The following IL3RA variants were observed in gnomAD, a reference collection of about 807,000 sequenced individuals.
The protein encoded by IL3RA is interleukin 3 receptor subunit alpha, also known as interleukin-3 receptor subunit alpha.
IL3RA carries 73 observed loss-of-function variants against 52.3 expected under a neutral mutation model. The ratio of observed to expected loss-of-function variants is 1.40; its 90% CI spans 1.16 to 1.70. IL3RA has a LOEUF of 1.70. Ranked by LOEUF, IL3RA falls within the 40% of genes most tolerant of loss-of-function variation. IL3RA has a pLI of 0.00. For missense variants in IL3RA, 664 were observed against 504.4 expected (o/e 1.32, Z -3.03); for synonymous variants, 260 against 194.0 (o/e 1.34, Z -2.83).
At chrX:1,346,795 G>A (rs1174407241) in intron 3 of IL3RA, among the ~76,000 whole-genome samples, 1 of 151,298 alleles carries the variant, frequency 6.6e-6, no homozygotes, top group African/African-American at 2.5e-5. Flanking sequence ...AGTGTCTTAT[G>A]GGAAAGGAGC....
chrX:1,356,155 A>G (rs2086686102), intron 6 of IL3RA, 66 bp from the exon 7 acceptor site: 1 of 1,055,932 alleles, frequency 9.5e-7, no homozygotes, highest in African/African-American at 1.6e-5. Context: ...AGAAAAAAAA[A>G]GAGAAAAAGA....
Position 1,352,206 on chromosome X carries a change from G to A in IL3RA, c.405G>A (p.Gln135=). 2 of 1,613,776 alleles carry A rather than the reference G, an allele frequency of 1.2e-6. No homozygotes were observed. The highest frequency in any genetic ancestry group is 1.7e-6 in the Non-Finnish European group (2 of 1,179,832). Residue 135 remains glutamine, a synonymous_variant, in exon 5 of 12, where the codon CAG becomes CAA. Transcript: ENST00000331035. ...AVGPGAPADV[Q]YDLYLNVANR... ...GCCCGGGGGCCCCCGCGGACGTCCA[G>A]TACGACCTGTACTTGAACGTTGCCA... is the stretch of plus-strand genomic sequence containing the variant.
chrX:1,346,345 A>G (rs2085741123), intron 3 of IL3RA, among the ~76,000 whole-genome samples: 4 of 152,102 alleles, frequency 2.6e-5, no homozygotes, highest in Admixed American at 2.6e-4. Flanking sequence ...AGGCTGAGGC[A>G]GGAGAATCGC....
At chrX:1,355,536 C>T (rs1227776672) in intron 6 of IL3RA, among the ~76,000 whole-genome samples, 11 of 148,182 alleles carry the variant, frequency 7.4e-5, no homozygotes, top group East Asian at 4.0e-4. Context: ...GCCAGGCAGC[C>T]GGACACACAG....
intron 8 of IL3RA, among the ~76,000 whole-genome samples, chrX:1,360,830 T>G (rs1238093894): frequency 6.6e-6 from 1 of 151,144 alleles, no homozygotes; most frequent in Non-Finnish European, 1.5e-5. Context: ...GCCCGGCCCC[T>G]CTCTTTATCT....
intron 8 of IL3RA, among the ~76,000 whole-genome samples, chrX:1,364,016 A>G (rs1205058365): frequency 6.7e-6 from 1 of 149,716 alleles, no homozygotes; most frequent in African/African-American, 2.5e-5. Flanking sequence ...CCCTGTCTCT[A>G]CTAAAAAAAA....
chrX:1,365,246 C>A lies in IL3RA; in HGVS notation c.868C>A (p.Arg290Ser), dbSNP rs1289152868. The part of the protein sequence containing the change: ...EFLSAWSTPQ[R>S]FECDQEEGAN... Reference sequence around the variant, plus strand: ...CTTGAGCGCCTGGAGCACCCCCCAGCGCTTCGGTGAGTGGGCTGTGCGGGG... The same window carrying A: ...CTTGAGCGCCTGGAGCACCCCCCAGAGCTTCGGTGAGTGGGCTGTGCGGGG... Residue 290 changes from arginine (R) to serine (S), a missense_variant, in exon 9 of 12, where the codon CGC (arginine) becomes AGC (serine). Arg to Ser is a moderately radical substitution (Grantham distance 110). Coordinates refer to ENST00000331035, the MANE Select transcript of IL3RA (RefSeq NM_002183.4). 2 of 1,586,596 alleles carry A rather than the reference C, an allele frequency of 1.3e-6. No individual in the cohort carries two copies. Among genetic ancestry groups the A allele is most frequent in the Non-Finnish European group, 8.6e-7 (1 of 1,162,722 alleles).
At chrX:1,341,613 A>G (rs2085500543) in intron 1 of IL3RA, 115 bp from the exon 2 acceptor site, 11 of 760,318 alleles carry the variant, frequency 1.4e-5, no homozygotes, top group Non-Finnish European at 2.4e-5. Flanking sequence ...CTTTCCCTCC[A>G]GAAGCAGCTC....
chrX:1,349,152 C>G (rs2085961258), intron 4 of IL3RA, among the ~76,000 whole-genome samples: 1 of 150,614 alleles, frequency 6.6e-6, no homozygotes, highest in Admixed American at 6.7e-5. Context: ...GAACTACACC[C>G]ATGTACCACC....
chrX:1,380,137 G>T (rs2089073487), intron 10 of IL3RA, among the ~76,000 whole-genome samples: 1 of 149,374 alleles, frequency 6.7e-6, no homozygotes, highest in Admixed American at 6.7e-5. Flanking sequence ...CAGTTGATCT[G>T]CCCGCCTGGG....
chrX:1,352,636 C>T (rs776994249), intron 6 of IL3RA, 130 bp downstream of exon 6: 5 of 1,003,202 alleles, frequency 5.0e-6, no homozygotes, highest in South Asian at 1.6e-5. Flanking sequence ...AGAGGCTGGA[C>T]GTTGGAGGTC....
rs1569526113 is a variant in IL3RA, at chrX:1,365,265, T to TGCGGGGTGCGCGGGGTGA, written c.874+22_874+39dup. 9.0e-4 allele frequency: 1,334 copies of TGCGGGGTGCGCGGGGTGA among 1,488,072 alleles called. 7 individuals carry two copies. Among genetic ancestry groups the TGCGGGGTGCGCGGGGTGA allele is most frequent in the Middle Eastern group, 1.8e-3 (10 of 5,452 alleles). The allele number at this position is 1,488,072 out of a possible 1,614,324, so 92.2% of individuals were successfully genotyped here. A position where few individuals can be genotyped will look rare whatever the true frequency, so the allele number is the denominator to read the frequency against. ...CCCCAGCGCTTCGGTGAGTGGGCTG[T>TGCGGGGTGCGCGGGGTGA]GCGGGGTGCGCGGGGTGAGCGGGGT... On this transcript the variant is annotated intron_variant, in intron 9 of 11. Transcript: ENST00000331035.
At chrX:1,345,177 T>TA (rs1416493698) in intron 2 of IL3RA, 139 bp from the exon 3 acceptor site, 103 of 546,198 alleles carry the variant, frequency 1.9e-4, no homozygotes, top group Non-Finnish European at 2.6e-4. Context: ...TCAAAAAATT[T>TA]AAAAAAATTA....
chrX:1,363,567 C>A (rs1302864046), intron 8 of IL3RA, among the ~76,000 whole-genome samples: 43 of 150,530 alleles, frequency 2.9e-4, no homozygotes, highest in Non-Finnish European at 5.6e-4. Context: ...GGATTACAGG[C>A]GTGAGCCACC....
At chrX:1,349,757 G>C (rs1488894561) in intron 4 of IL3RA, among the ~76,000 whole-genome samples, 1 of 151,974 alleles carries the variant, frequency 6.6e-6, no homozygotes, top group Non-Finnish European at 1.5e-5. Context: ...CCGCCTCCCG[G>C]GTTCAAGCGA....
intron 7 of IL3RA, among the ~76,000 whole-genome samples, chrX:1,357,747 A>G (rs1203701090): frequency 1.3e-5 from 2 of 150,746 alleles, no homozygotes; most frequent in Non-Finnish European, 1.5e-5. Flanking sequence ...CGTTAGGTCT[A>G]TTAATTTCTT....
chrX:1,381,559 T>C (rs111510421), intron 11 of IL3RA, among the ~76,000 whole-genome samples: 1 of 149,782 alleles, frequency 6.7e-6, no homozygotes, highest in African/African-American at 2.5e-5. Context: ...TTTTTTTAGA[T>C]GGAGTTTTGC....
At position 1,348,816 on chromosome X, in the gene IL3RA, C is replaced by T. The variant is rs192869098; in HGVS notation, c.298+271C>T. Among the ~76,000 whole-genome samples the T allele has an allele frequency of 6.2e-4, 88 of 143,038 alleles. 1 individual carries two copies. The East Asian group carries it at 0.015, about 24-fold the overall frequency. 93.8% of individuals were successfully genotyped at this position (143,038 alleles called of 152,430 possible). A position where few individuals can be genotyped will look rare whatever the true frequency, so the allele number is the denominator to read the frequency against. ...CTTTCTTTTCTTCACTTCCTTCCCT[C>T]CCTCCTTCTCTCCTTTTCCTCCCTC... On this transcript the variant is annotated intron_variant, in intron 4 of 11. Transcript: ENST00000331035.
chrX:1,353,944 C>CA (rs1491431553), intron 6 of IL3RA, among the ~76,000 whole-genome samples: 2 of 26,726 alleles, frequency 7.5e-5, no homozygotes, highest in East Asian at 8.3e-4. Flanking sequence ...GGTCATGGGA[C>CA]CCCCCCCCCC....
Sources: allele counts gnomAD v4.1 joint callset (sites outside exome capture counted in the v4.1 genomes callset), GRCh38; gene constraint gnomAD v4.1.1; transcripts MANE v1.5; gene names NCBI Gene and HGNC (gene_info 2026-07-23, HGNC 2026-07-21).